PRICKLE4: variants seen among roughly 807,000 people sequenced by gnomAD.
The protein encoded by PRICKLE4 is prickle planar cell polarity protein 4, also known as prickle-like protein 4.
In PRICKLE4, 40 loss-of-function variants were observed where a neutral mutation model predicts 43.5. The ratio of observed to expected loss-of-function variants is 0.92; its 90% confidence interval spans 0.71 to 1.20. The LOEUF is 1.20. Among genes scored for constraint, PRICKLE4 ranks in the 50% most tolerant of loss-of-function variants. The pLI is 0.00. For synonymous variants in PRICKLE4, 208 were observed against 197.4 expected (o/e 1.05, Z -0.45); for missense variants, 527 against 491.2 (o/e 1.07, Z -0.69).
At position 41,785,338 on chromosome 6, in the gene PRICKLE4, G is replaced by A; in HGVS notation, c.380G>A (p.Cys127Tyr). Residue 127 changes from cysteine to tyrosine, a missense_variant and splice_region_variant, in exon 6 of 8, where the codon TGT becomes TAT. Physicochemically the swap from Cys to Tyr is radical, Grantham distance 194. Transcript: ENST00000458694. ...PKLEGHTCEK[C>Y]RELLKPGEYG... ...ACCTCAGCACCTCCCCTCTGACAGT[G>A]TAGGGAGCTGCTGAAGCCAGGGGAG... The A allele has an allele frequency of 6.2e-7, 1 of 1,613,994 alleles. No homozygotes were observed. The highest frequency in any genetic ancestry group is 1.7e-4 in the Middle Eastern group (1 of 6,024).
intron 7 of PRICKLE4, 153 bp downstream of exon 7, chr6:41,786,485 G>A (rs1404967271): frequency 9.4e-7 from 1 of 1,059,536 alleles, no homozygotes; most frequent in South Asian, 1.3e-5. Flanking sequence ...GGGGCCCGCA[G>A]CTCTCACCGC....
At position 41,786,836 on chromosome 6, in the gene PRICKLE4, C is replaced by CT. The variant is rs72602856; in HGVS notation, c.863dup (p.Ala289ArgfsTer45). ...CTCTGCAACCCTCTCCCGAACACTCCTCGCTGCTGCCGGCGGTTCCAGCCT... is the reference window on the plus strand; with the variant it reads ...CTCTGCAACCCTCTCCCGAACACTCCTTCGCTGCTGCCGGCGGTTCCAGCCT... On this transcript the variant is annotated frameshift_variant, in exon 8 of 8. Coordinates refer to ENST00000458694, the MANE Select transcript of PRICKLE4 (RefSeq NM_013397.6). LOFTEE classifies it high-confidence loss of function. The CT allele has an allele frequency of 6.7e-7, 1 of 1,482,274 alleles. No individual in the cohort carries two copies. The highest frequency in any genetic ancestry group is 8.9e-7 in the Non-Finnish European group (1 of 1,122,836). 91.8% of individuals were successfully genotyped at this position (1,482,274 alleles called of 1,614,324 possible). A position where few individuals can be genotyped will look rare whatever the true frequency, so the allele number is the denominator to read the frequency against.
intron 3 of PRICKLE4, 198 bp downstream of exon 3, chr6:41,783,803 T>A (rs1431139831): frequency 2.4e-6 from 2 of 818,404 alleles, no homozygotes; most frequent in Non-Finnish European, 4.2e-6. Context: ...GAGTATTCAT[T>A]ATCTCTCCTA....
Position 41,787,144 on chromosome 6 carries a change from G to A in PRICKLE4, c.*15G>A, listed in dbSNP as rs925093123. The A allele has an allele frequency of 6.3e-7, 1 of 1,583,626 alleles. No individual in the cohort carries two copies. Among genetic ancestry groups the A allele is most frequent in the Non-Finnish European group, 8.6e-7 (1 of 1,169,266 alleles). On this transcript the variant is annotated 3_prime_UTR_variant, in exon 8 of 8. Transcript: ENST00000458694. ...CCATGTGCTAGTGGCGCAGCTCAGAGAGGGGATGTGAGTGGGAGGAAAGGG... is the reference window on the plus strand; with the variant it reads ...CCATGTGCTAGTGGCGCAGCTCAGAAAGGGGATGTGAGTGGGAGGAAAGGG...
chr6:41,786,394 C>T (rs762405389), intron 7 of PRICKLE4, 62 bp downstream of exon 7: 10 of 1,492,840 alleles, frequency 6.7e-6, no homozygotes, highest in Non-Finnish European at 8.1e-6. Context: ...GGGGTTCTCC[C>T]GGGCTGGGAC....
chr6:41,785,470 A>G lies in PRICKLE4; in HGVS notation c.512A>G (p.His171Arg). The G allele has an allele frequency of 6.2e-7, 1 of 1,614,122 alleles. No homozygotes were observed. Among genetic ancestry groups the G allele is most frequent in the Non-Finnish European group, 8.5e-7 (1 of 1,180,038 alleles). The change falls in exon 6 of 8, where the codon CAT (histidine) becomes CGT (arginine). Residue 171 changes from histidine to arginine, a missense_variant. His to Arg is a conservative substitution (Grantham distance 29). Transcript: ENST00000458694. The part of the protein sequence containing the change: ...QALINLIYFY[H>R]DGQLYCGRHH... ...CTGATAAACCTCATCTACTTCTACC[A>G]TGATGGACAACTCTACTGCGGCCGT...
At chr6:41,784,106 C>A in intron 3 of PRICKLE4, 25 bp from the exon 4 acceptor site, 1 of 1,541,930 alleles carries the variant, frequency 6.5e-7, no homozygotes, top group South Asian at 1.2e-5. Flanking sequence ...AGTTTCACTC[C>A]TCCCCTTCTT....
rs1052845711 is a variant in PRICKLE4 at position 41,787,056 on chromosome 6, A to G, written c.1082A>G (p.Gln361Arg). ...TTTTTCTTAGGCGAGCGCCTTCCCC[A>G]GTCCTGGAAGACCCCCGGAAGCCTC... is the stretch of plus-strand genomic sequence containing the variant. ...EGFFLGERLP[Q>R]SWKTPGSLQA... is the part of the protein sequence containing the mutation. Residue 361 changes from glutamine to arginine, a missense_variant, in exon 8 of 8, where the codon CAG becomes CGG. By Grantham distance (43) the Gln-to-Arg change is conservative (BLOSUM62 1). Coordinates refer to ENST00000458694, the MANE Select transcript of PRICKLE4 (RefSeq NM_013397.6). 1.9e-6 allele frequency: 3 copies of G among 1,613,684 alleles called. No homozygotes were observed. The highest frequency in any genetic ancestry group is 4.5e-5 in the East Asian group (2 of 44,852).
intron 7 of PRICKLE4, 80 bp downstream of exon 7, chr6:41,786,412 C>G (rs755095470): frequency 5.6e-6 from 8 of 1,439,380 alleles, no homozygotes; most frequent in Non-Finnish European, 2.8e-6. Flanking sequence ...GACCCTCGCC[C>G]CGGTCCCACG....
chr6:41,784,211 G>A lies in PRICKLE4; in HGVS notation c.213G>A (p.Leu71=). The change falls in exon 4 of 8, where the codon CTG becomes CTA. Residue 71 remains leucine (L), a synonymous_variant. Coordinates refer to ENST00000458694, the MANE Select transcript of PRICKLE4 (RefSeq NM_013397.6). Reference sequence around the variant, plus strand: ...ACTGGACTGGACTTCAGACCCTCCTGCAGCAACTCCCTCCGCAGGACATTG... The same window carrying A: ...ACTGGACTGGACTTCAGACCCTCCTACAGCAACTCCCTCCGCAGGACATTG... ...APNWTGLQTL[L]QQLPPQDIDE... 3 of 1,613,402 alleles carry A rather than the reference G, an allele frequency of 1.9e-6. No homozygotes were observed. The highest frequency in any genetic ancestry group is 1.7e-6 in the Non-Finnish European group (2 of 1,179,666).
chr6:41,786,757 A>C lies in PRICKLE4; in HGVS notation c.788-5A>C, dbSNP rs746376346. 1.5e-5 allele frequency: 25 copies of C among 1,612,924 alleles called. No homozygotes were observed. In the African/African-American group the frequency reaches 2.8e-4, roughly 18 times the overall value. On this transcript the variant is annotated splice_polypyrimidine_tract_variant and splice_region_variant and intron_variant, in intron 7 of 7. Transcript: ENST00000458694. ...GACCAGCGTTTCCGACCCGGCCCGG[A>C]ACAGGGGAGACTGGACTCGACCGAA... is the stretch of plus-strand genomic sequence containing the variant.
chr6:41,783,063 C>T (rs749447097), intron 2 of PRICKLE4, among the ~76,000 whole-genome samples: 1 of 152,132 alleles, frequency 6.6e-6, no homozygotes, highest in Non-Finnish European at 1.5e-5. Flanking sequence ...CTCACTGGGG[C>T]TGTGGGTGCA....
rs780098395 is a variant in PRICKLE4 at position 41,787,140 on chromosome 6, C to G, written c.*11C>G. The G allele has an allele frequency of 2.5e-6, 4 of 1,590,474 alleles. No individual in the cohort carries two copies. The Admixed American group carries it at 6.9e-5, about 27-fold the overall frequency. ...TGCACCATGTGCTAGTGGCGCAGCT[C>G]AGAGAGGGGATGTGAGTGGGAGGAA... On this transcript the variant is annotated 3_prime_UTR_variant, in exon 8 of 8. Coordinates refer to ENST00000458694, the MANE Select transcript of PRICKLE4 (RefSeq NM_013397.6).
At chr6:41,786,466 C>A in intron 7 of PRICKLE4, 134 bp downstream of exon 7, 2 of 1,158,264 alleles carry the variant, frequency 1.7e-6, no homozygotes, top group Non-Finnish European at 2.5e-6. Flanking sequence ...CCCCCCAGAC[C>A]CAAGCCTCGG....
chr6:41,783,432 C>T, intron 2 of PRICKLE4, 30 bp from the exon 3 acceptor site: 1 of 1,454,116 alleles, frequency 6.9e-7, no homozygotes, highest in Non-Finnish European at 9.4e-7. Context: ...CGGCCTAATA[C>T]ATGGAGGTGT....
intron 7 of PRICKLE4, 140 bp downstream of exon 7, chr6:41,786,472 C>T: frequency 1.8e-6 from 2 of 1,113,710 alleles, no homozygotes; most frequent in Non-Finnish European, 2.6e-6. Flanking sequence ...AGACCCAAGC[C>T]TCGGGGCCCG....
At chr6:41,782,749 A>G (rs1772574973) in intron 2 of PRICKLE4, among the ~76,000 whole-genome samples, 1 of 152,224 alleles carries the variant, frequency 6.6e-6, no homozygotes, top group African/African-American at 2.4e-5. Flanking sequence ...CCGAGAGGAA[A>G]GCTGAAGAGA....
Position 41,786,171 on chromosome 6 carries a change from G to C in PRICKLE4, c.626G>C (p.Trp209Ser), listed in dbSNP as rs372011676. ...TGCACCGAGGCGGAGGGACAGCGCT[G>C]GCATGAGAACCACTTCTGTTGCCAG... Reference protein sequence around the residue: ...WRCTEAEGQRWHENHFCCQDC... With the variant: ...WRCTEAEGQRSHENHFCCQDC... Residue 209 changes from tryptophan to serine, a missense_variant, in exon 7 of 8, where the codon TGG becomes TCG. Trp to Ser is a radical substitution (Grantham distance 177). Coordinates refer to ENST00000458694, the MANE Select transcript of PRICKLE4 (RefSeq NM_013397.6). 6.2e-7 allele frequency: 1 copy of C among 1,613,612 alleles called. No individual in the cohort carries two copies. The highest frequency in any genetic ancestry group is 1.1e-5 in the South Asian group (1 of 91,016).
chr6:41,784,105 C>A (rs1015249509), intron 3 of PRICKLE4, 26 bp from the exon 4 acceptor site: 3 of 1,536,056 alleles, frequency 2.0e-6, no homozygotes, highest in Non-Finnish European at 2.7e-6. Context: ...TAGTTTCACT[C>A]CTCCCCTTCT....
Sources: gnomAD v4.1 joint callset for allele counts (sites outside exome capture counted in the v4.1 genomes callset) on GRCh38, gnomAD v4.1.1 for gene constraint, MANE v1.5 for transcripts, NCBI Gene and HGNC (gene_info 2026-07-23, HGNC 2026-07-21) for gene names.